Variants in FNBP4 observed in about 807,000 individuals in gnomAD.
FNBP4 encodes the protein formin-binding protein 4.
A neutral mutation model predicts 119.3 loss-of-function variants in FNBP4; 34 were observed. The observed-to-expected ratio is 0.28, with a 90% CI of 0.22 to 0.38. The LOEUF (loss-of-function observed/expected upper bound fraction) is 0.38, where lower values mean the gene tolerates loss of function less well. FNBP4 is among the 10% of genes least tolerant of loss of function. The probability of loss-of-function intolerance (pLI) is 1.00; values close to 1 mark genes in which losing one functional copy is unlikely to be tolerated. For synonymous variants in FNBP4, 462 were observed against 430.6 expected (o/e 1.07, Z -0.90); for missense variants, 1,112 against 1,228.9 (o/e 0.90, Z 1.42).
intron 2 of FNBP4, among the ~76,000 whole-genome samples, chr11:47,756,447 A>T (rs537594943): frequency 6.6e-6 from 1 of 152,284 alleles, no homozygotes; most frequent in East Asian, 1.9e-4. Flanking sequence ...CTAAAAGTAA[A>T]CATAAATTGT....
intron 7 of FNBP4, among the ~76,000 whole-genome samples, chr11:47,744,853 T>C (rs1389754223): frequency 2.0e-5 from 3 of 152,304 alleles, no homozygotes; most frequent in African/African-American, 7.2e-5. Context: ...CTGGTACCCA[T>C]TTGTATAAGT....
chr11:47,750,096 G>A (rs1292822399), intron 6 of FNBP4, among the ~76,000 whole-genome samples: 2 of 151,940 alleles, frequency 1.3e-5, no homozygotes. Flanking sequence ...AAAGTGAAGT[G>A]GGCCAGCTGC....
chr11:47,750,906 C>T lies in FNBP4; in HGVS notation c.906+10G>A, dbSNP rs61654484. Reference sequence around the variant, plus strand: ...GAAAATAAACAAATGAGGTAAGTTTCGACACTGACCTTTTTAACTTCTCGC... The same window carrying T: ...GAAAATAAACAAATGAGGTAAGTTTTGACACTGACCTTTTTAACTTCTCGC... On this transcript the variant is annotated intron_variant, in intron 6 of 16. Transcript: ENST00000263773. The T allele has an allele frequency of 5.5e-3, 8,895 of 1,613,002 alleles. 111 individuals carry two copies. The highest frequency in any genetic ancestry group is 0.046 in the African/African-American group (3,454 of 74,900).
At chr11:47,743,459 G>C (rs904753323) in intron 8 of FNBP4, among the ~76,000 whole-genome samples, 1 of 151,996 alleles carries the variant, frequency 6.6e-6, no homozygotes, top group Admixed American at 6.6e-5. Context: ...CTCCAGCCTG[G>C]GTGACAGAGT....
chr11:47,741,989 T>C (rs1320823420), intron 8 of FNBP4, among the ~76,000 whole-genome samples: 1 of 152,166 alleles, frequency 6.6e-6, no homozygotes, highest in Non-Finnish European at 1.5e-5. Context: ...TACGCACATC[T>C]ACACCACTCA....
In FNBP4 at chr11:47,732,155, T is replaced by C; in HGVS notation, c.1820+382A>G. 9.9e-7 allele frequency: 1 copy of C among 1,014,196 alleles called. No individual in the cohort carries two copies. Among genetic ancestry groups the C allele is most frequent in the Non-Finnish European group, 1.2e-6 (1 of 848,990 alleles). The allele number at this position is 1,014,196 out of a possible 1,614,324, so 62.8% of individuals were successfully genotyped here. A position where few individuals can be genotyped will look rare whatever the true frequency, so the allele number is the denominator to read the frequency against. ...ATAGTAATCTTGTTCTTCATTCACA[T>C]CTTCAGCCACGAAGTTTTCCTTAAC... On this transcript the variant is annotated intron_variant, in intron 11 of 16. Coordinates refer to ENST00000263773, the MANE Select transcript of FNBP4 (RefSeq NM_015308.5). This position sits in a 1 kb window ranked among gnomAD's most constrained non-coding sequence, Gnocchi z 4.2.
chr11:47,718,679 T>C (rs2097552150), intron 16 of FNBP4, among the ~76,000 whole-genome samples: 1 of 152,212 alleles, frequency 6.6e-6, no homozygotes, highest in Non-Finnish European at 1.5e-5. Flanking sequence ...TAGACAGCTA[T>C]ATTCTAGGTT....
intron 4 of FNBP4, among the ~76,000 whole-genome samples, chr11:47,751,608 T>G (rs2097604222): frequency 6.6e-6 from 1 of 152,216 alleles, no homozygotes; most frequent in Non-Finnish European, 1.5e-5. Flanking sequence ...CACCAAGAAT[T>G]ATTTTCTCAA....
In FNBP4 at chr11:47,760,294, C is replaced by T. The variant is rs185070033; in HGVS notation, c.313+4976G>A. On this transcript the variant is annotated intron_variant, in intron 2 of 16. Coordinates refer to ENST00000263773, the MANE Select transcript of FNBP4 (RefSeq NM_015308.5). The stretch of plus-strand genomic sequence containing the variant: ...TTTTTTTTTTTGAGACAGAGTCTTG[C>T]TCTGTCACCCAGGGTGAAATGTAAT... Among the ~76,000 whole-genome samples, 4 of 145,014 alleles carry T rather than the reference C, an allele frequency of 2.8e-5. No individual in the cohort carries two copies. The Admixed American group carries it at 2.8e-4, about 10-fold the overall frequency.
In FNBP4 at chr11:47,732,462, C is replaced by G. The variant is rs953603689; in HGVS notation, c.1820+75G>C. On this transcript the variant is annotated intron_variant, in intron 11 of 16. Coordinates refer to ENST00000263773, the MANE Select transcript of FNBP4 (RefSeq NM_015308.5). The surrounding 1 kb of genome is among the most constrained non-coding windows in gnomAD (Gnocchi z 4.2). ...TCAGTCTCCAGACAGGCTGTCATGT[C>G]GTCAGATGGTGGTGATCACAAATCA... 1 of 1,596,336 alleles carries G rather than the reference C, an allele frequency of 6.3e-7. No homozygotes were observed. The highest frequency in any genetic ancestry group is 8.6e-7 in the Non-Finnish European group (1 of 1,168,774).
chr11:47,747,505 C>T (rs2097592878), intron 6 of FNBP4, among the ~76,000 whole-genome samples: 1 of 151,798 alleles, frequency 6.6e-6, no homozygotes, highest in South Asian at 2.1e-4. Context: ...CAGGGTTTTA[C>T]CAGGTTGGCC....
intron 12 of FNBP4, among the ~76,000 whole-genome samples, chr11:47,727,837 A>G (rs1184730995): frequency 6.6e-6 from 1 of 152,158 alleles, no homozygotes; most frequent in African/African-American, 2.4e-5. Flanking sequence ...TTGCTGTTTA[A>G]GAGAATATTT....
chr11:47,759,635 G>A (rs902802697), intron 2 of FNBP4, among the ~76,000 whole-genome samples: 1 of 152,154 alleles, frequency 6.6e-6, no homozygotes, highest in African/African-American at 2.4e-5. Context: ...ATTCTGGAAA[G>A]GAGAGTGGGA....
chr11:47,737,174 G>C (rs186790683), intron 8 of FNBP4, among the ~76,000 whole-genome samples: 28 of 152,238 alleles, frequency 1.8e-4, no homozygotes, highest in African/African-American at 6.0e-4. Context: ...CTGGGTGACA[G>C]AGTGAGACTC....
In FNBP4 at chr11:47,746,449, C is replaced by T. The variant is rs2097590419; in HGVS notation, c.907-55G>A. ...TTAATTCTGAAACAAATCTCACCTG[C>T]ACATACATTCAATTGCACACACATT... On this transcript the variant is annotated intron_variant, in intron 6 of 16. Transcript: ENST00000263773. 3.3e-5 allele frequency: 45 copies of T among 1,375,456 alleles called. No individual in the cohort carries two copies. The South Asian group carries it at 6.0e-4, about 18-fold the overall frequency. 85.2% of individuals were successfully genotyped at this position (1,375,456 alleles called of 1,614,324 possible).
chr11:47,749,096 A>AAAACAAACAAAC (rs10688485), intron 6 of FNBP4, among the ~76,000 whole-genome samples: 39 of 149,396 alleles, frequency 2.6e-4, no homozygotes, highest in African/African-American at 5.9e-4. Flanking sequence ...CGTCTCTCAA[A>AAAACAAACAAAC]AAACAAACAA....
chr11:47,732,669 G>A lies in FNBP4; in HGVS notation c.1688C>T (p.Thr563Ile). The change falls in exon 11 of 17, where the codon ACT becomes ATT. Residue 563 changes from threonine (T) to isoleucine (I), a missense_variant and splice_region_variant. Physicochemically the swap from Thr to Ile is moderately conservative, Grantham distance 89 (BLOSUM62 -1). Around this residue, in one of 2 missense-constraint regions of FNBP4, gnomAD observed 826 missense variants for 988.8 expected, o/e 0.84. Coordinates refer to ENST00000263773, the MANE Select transcript of FNBP4 (RefSeq NM_015308.5). The surrounding 1 kb of genome is among the most constrained non-coding windows in gnomAD (Gnocchi z 4.2). ...CCCTTCCCGCCAGTCTGCAATTCGA[G>A]TCTAGAATAAACAGACAAATAAGTT... ...NFHVLLLQTE[T>I]RIADWREGAL... 2 of 1,614,058 alleles carry A rather than the reference G, an allele frequency of 1.2e-6. No homozygotes were observed. Among genetic ancestry groups the A allele is most frequent in the African/African-American group, 1.3e-5 (1 of 75,048 alleles).
At position 47,723,121 on chromosome 11, in the gene FNBP4, G is replaced by A. The variant is rs1001932822; in HGVS notation, c.2660C>T (p.Ser887Leu). ...ACCTCGGGCCTGAACTGGCTGCAAT[G>A]AGGGAGCAGTCACTCCAATTGGGAC... Reference protein sequence around the residue: ...CSVPIGVTAPSLQPVQARGAV... With the variant: ...CSVPIGVTAPLLQPVQARGAV... Residue 887 changes from serine to leucine, a missense_variant, in exon 15 of 17, where the codon TCA becomes TTA. Ser to Leu is a moderately radical substitution (Grantham distance 145, BLOSUM62 -2). Coordinates refer to ENST00000263773, the MANE Select transcript of FNBP4 (RefSeq NM_015308.5). 1.9e-6 allele frequency: 3 copies of A among 1,614,098 alleles called. No homozygotes were observed. The highest frequency in any genetic ancestry group is 1.7e-5 in the Admixed American group (1 of 59,992).
At chr11:47,759,762 G>A (rs2135272445) in intron 2 of FNBP4, among the ~76,000 whole-genome samples, 1 of 152,118 alleles carries the variant, frequency 6.6e-6, no homozygotes, top group African/African-American at 2.4e-5. Flanking sequence ...AGATTGGCTG[G>A]CCAACATGGT....
Sources: allele counts gnomAD v4.1 joint callset (sites outside exome capture counted in the v4.1 genomes callset), GRCh38; gene constraint gnomAD v4.1.1; regional missense constraint gnomAD v4.1.1; non-coding constraint Gnocchi (gnomAD v3.1); transcripts MANE v1.5; gene names NCBI Gene and HGNC (gene_info 2026-07-23, HGNC 2026-07-21).